The following STT3A variants were observed in gnomAD, a reference collection of about 807,000 sequenced individuals.
The protein encoded by STT3A is STT3 oligosaccharyltransferase complex catalytic subunit A.
STT3A carries 34 observed loss-of-function variants against 89.2 expected under a neutral mutation model. The ratio of observed to expected loss-of-function variants is 0.38; its 90% CI spans 0.29 to 0.51. STT3A has a LOEUF of 0.51. Ranked by LOEUF, STT3A falls within the 20% of genes least tolerant of loss-of-function variation. The probability of loss-of-function intolerance (pLI) is 0.89; values close to 1 mark genes in which losing one functional copy is unlikely to be tolerated. For missense variants in STT3A, 555 were observed against 889.5 expected (o/e 0.62, Z 4.78); for synonymous variants, 282 against 310.3 (o/e 0.91, Z 0.96).
intron 3 of STT3A, among the ~76,000 whole-genome samples, chr11:125,601,005 G>A (rs559201523): frequency 1.8e-4 from 28 of 152,246 alleles, no homozygotes; most frequent in Middle Eastern, 6.8e-3. Flanking sequence ...GCCCAGGCTG[G>A]TCTTGAACTG....
chr11:125,593,682 T>G (rs1444241861), intron 1 of STT3A: 1 of 152,256 alleles, frequency 6.6e-6, no homozygotes, highest in Non-Finnish European at 1.5e-5. Flanking sequence ...ATGGCTGGAT[T>G]GTTGACCTCC....
At chr11:125,605,867 CT>C in intron 7 of STT3A, 132 bp downstream of exon 7, 1 of 678,448 alleles carries the variant, frequency 1.5e-6, no homozygotes, top group Non-Finnish European at 2.5e-6. Context: ...TATATTTTTT[CT>C]GTTCATACTT....
intron 9 of STT3A, among the ~76,000 whole-genome samples, chr11:125,608,934 T>C (rs952074556): frequency 6.6e-6 from 1 of 152,160 alleles, no homozygotes; most frequent in Non-Finnish European, 1.5e-5. Context: ...GAGAAGTCAT[T>C]ATATTGCTTA....
intron 1 of STT3A, chr11:125,593,380 A>C (rs1430217748): frequency 6.6e-6 from 1 of 152,596 alleles, no homozygotes; most frequent in Admixed American, 6.5e-5. Flanking sequence ...AACTAGAGGC[A>C]GGGTGGCAGG....
At chr11:125,593,471 T>C (rs1939380736) in intron 1 of STT3A, 1 of 152,208 alleles carries the variant, frequency 6.6e-6, no homozygotes, top group African/African-American at 2.4e-5. Context: ...TCTTATTTGC[T>C]TGGCGGTGTG....
upstream of STT3A, chr11:125,592,421 A>T (rs1252829476): frequency 1.1e-5 from 5 of 456,160 alleles, no homozygotes; most frequent in Middle Eastern, 3.2e-4. Flanking sequence ...TTTCTACCTT[A>T]AAAAAGACGG....
In STT3A at chr11:125,614,065, C is replaced by G; in HGVS notation, c.1555-22C>G. 6.2e-7 allele frequency: 1 copy of G among 1,604,374 alleles called. No homozygotes were observed. The highest frequency in any genetic ancestry group is 8.5e-7 in the Non-Finnish European group (1 of 1,171,554). Reference sequence around the variant, plus strand: ...AGAGACAGTGAGAAGCTTGTTATTTCCATTTCCCATTCTACTTTCAGGATG... The same window carrying G: ...AGAGACAGTGAGAAGCTTGTTATTTGCATTTCCCATTCTACTTTCAGGATG... On this transcript the variant is annotated intron_variant, in intron 13 of 17. Transcript: ENST00000392708. The surrounding 1 kb of genome is among the most constrained non-coding windows in gnomAD (Gnocchi z 4.9).
chr11:125,598,017 G>T (rs1484997894), intron 3 of STT3A, among the ~76,000 whole-genome samples: 2 of 152,160 alleles, frequency 1.3e-5, no homozygotes, highest in East Asian at 1.9e-4. Context: ...TTCGAGACCA[G>T]CCTGGCCAAC....
chr11:125,612,777 GA>G (rs1338187592), intron 12 of STT3A, 30 bp downstream of exon 12: 1 of 1,609,206 alleles, frequency 6.2e-7, no homozygotes, highest in Non-Finnish European at 8.5e-7. Context: ...GTAGACTTGG[GA>G]AACTCTGTGT....
In STT3A at chr11:125,604,883, G is replaced by A. The variant is rs114606678; in HGVS notation, c.508+636G>A. Among the ~76,000 whole-genome samples the A allele has an allele frequency of 1.0e-2, 1,519 of 152,272 alleles. 26 individuals carry two copies. The highest frequency in any genetic ancestry group is 0.034 in the African/African-American group (1,410 of 41,540). On this transcript the variant is annotated intron_variant, in intron 6 of 17. Transcript: ENST00000392708. Reference sequence around the variant, plus strand: ...ATCCAGTACTTTCAGAGGCTGAGGTGTGTGGATCATTTGAGCTCAGGAGTT... The same window carrying A: ...ATCCAGTACTTTCAGAGGCTGAGGTATGTGGATCATTTGAGCTCAGGAGTT...
chr11:125,606,272 A>C (rs1198001001), intron 7 of STT3A, 29 bp from the exon 8 acceptor site: 9 of 1,604,254 alleles, frequency 5.6e-6, no homozygotes, highest in South Asian at 1.1e-5. Flanking sequence ...GCATACTCAG[A>C]GGAACTGTTT....
chr11:125,595,506 G>A (rs1399232772), intron 1 of STT3A, among the ~76,000 whole-genome samples: 5 of 151,576 alleles, frequency 3.3e-5, no homozygotes, highest in Non-Finnish European at 7.4e-5. Flanking sequence ...GCCTTTTCTT[G>A]AGTGCTCTCT....
rs1939706726 is a variant in STT3A, at chr11:125,602,312, T to C, written c.159T>C (p.Asn53=). Residue 53 remains asparagine (N), a synonymous_variant, in exon 4 of 18, where the codon AAT becomes AAC. Transcript: ENST00000392708. ...TTATTTCTTGCTATAGGTACTTTAA[T>C]TATCGGACTACCAGGTTCCTGGCTG... ...SVIHEFDPYF[N]YRTTRFLAEE... is the part of the protein sequence containing the mutation. The C allele has an allele frequency of 6.2e-7, 1 of 1,613,102 alleles. No homozygotes were observed. Among genetic ancestry groups the C allele is most frequent in the Non-Finnish European group, 8.5e-7 (1 of 1,179,732 alleles).
At position 125,618,546 on chromosome 11, in the gene STT3A, G is replaced by A. The variant is rs755815010; in HGVS notation, c.1948G>A (p.Val650Ile). The change falls in exon 16 of 18, where the codon GTT (valine) becomes ATT (isoleucine). Residue 650 changes from valine to isoleucine, a missense_variant. Val to Ile is a conservative substitution (Grantham distance 29). Transcript: ENST00000392708. ...GATGTGTTACTATCGCTTTGGACAG[G>A]TTTACACAGAAGCCAGTGAGTGACT... Reference protein sequence around the residue: ...YKMCYYRFGQVYTEAKRPPGF... With the variant: ...YKMCYYRFGQIYTEAKRPPGF... 1.5e-5 allele frequency: 24 copies of A among 1,612,150 alleles called. No individual in the cohort carries two copies. Among genetic ancestry groups the A allele is most frequent in the Middle Eastern group, 3.3e-4 (2 of 6,050 alleles).
At chr11:125,608,065 A>T (rs773159204) in intron 8 of STT3A, 44 bp from the exon 9 acceptor site, 15 of 1,532,140 alleles carry the variant, frequency 9.8e-6, no homozygotes, top group African/African-American at 1.4e-5. Flanking sequence ...GGACTTACTC[A>T]TTTTTTTTCC....
chr11:125,610,057 CTTTTTTTTT>C (rs66578574), intron 10 of STT3A, among the ~76,000 whole-genome samples: 1 of 106,038 alleles, frequency 9.4e-6, no homozygotes, highest in South Asian at 3.2e-4. Flanking sequence ...TAACTTTTAC[CTTTTTTTTT>C]TTTTTTTTTT....
chr11:125,600,708 C>T (rs911941628), intron 3 of STT3A, among the ~76,000 whole-genome samples: 1 of 152,100 alleles, frequency 6.6e-6, no homozygotes, highest in Non-Finnish European at 1.5e-5. Context: ...ATATTTTGGG[C>T]CTAAAGAACT....
chr11:125,602,223 T>A (rs546583616), intron 3 of STT3A, 80 bp from the exon 4 acceptor site: 9 of 1,484,364 alleles, frequency 6.1e-6, no homozygotes, highest in Middle Eastern at 1.8e-4. Context: ...TTTCATTGAG[T>A]AATGCTGAAT....
Position 125,595,890 on chromosome 11 carries a change from G to C in STT3A, c.-26G>C, listed in dbSNP as rs760218961. On this transcript the variant is annotated 5_prime_UTR_variant, in exon 2 of 18. Coordinates refer to ENST00000392708, the MANE Select transcript of STT3A (RefSeq NM_152713.5). ...GACTTTTTCATTTTAGCTGATCGTCGTGTGTTGCCACCCATTCATGTCAAG... is the reference window on the plus strand; with the variant it reads ...GACTTTTTCATTTTAGCTGATCGTCCTGTGTTGCCACCCATTCATGTCAAG... 2 of 1,505,436 alleles carry C rather than the reference G, an allele frequency of 1.3e-6. No individual in the cohort carries two copies. Among genetic ancestry groups the C allele is most frequent in the Non-Finnish European group, 1.8e-6 (2 of 1,084,322 alleles). The allele number at this position is 1,505,436 out of a possible 1,614,324, so 93.3% of individuals were successfully genotyped here. A position where few individuals can be genotyped will look rare whatever the true frequency, so the allele number is the denominator to read the frequency against.
Sources: gnomAD v4.1 joint callset for allele counts (sites outside exome capture counted in the v4.1 genomes callset) on GRCh38, gnomAD v4.1.1 for gene constraint, Gnocchi (gnomAD v3.1) non-coding constraint, MANE v1.5 for transcripts, NCBI Gene and HGNC (gene_info 2026-07-23, HGNC 2026-07-21) for gene names.